Variants in MTUS2 observed in about 807,000 individuals in gnomAD.
MTUS2 encodes the protein microtubule-associated tumor suppressor candidate 2.
MTUS2 carries 40 observed loss-of-function variants against 114.1 expected under a neutral mutation model. The observed-to-expected ratio is 0.35, with a 90% CI of 0.27 to 0.46. MTUS2 has a LOEUF of 0.46. Among genes scored for constraint, MTUS2 ranks in the 20% least tolerant of loss-of-function variants. The pLI is 1.00. For synonymous variants in MTUS2, 688 were observed against 672.0 expected (o/e 1.02, Z -0.37); for missense variants, 1,679 against 1,705.4 (o/e 0.98, Z 0.27).
At chr13:28,847,099 G>T (rs775991759) in intron 2 of MTUS2, among the ~76,000 whole-genome samples, 8 of 152,156 alleles carry the variant, frequency 5.3e-5, no homozygotes, top group Non-Finnish European at 8.8e-5. Flanking sequence ...TCATGTCCTC[G>T]TCAGGTTCCT....
chr13:28,944,869 T>A (rs1882435354), intron 2 of MTUS2, among the ~76,000 whole-genome samples: 1 of 152,202 alleles, frequency 6.6e-6, no homozygotes, highest in South Asian at 2.1e-4. Context: ...TGCAGTTTTG[T>A]TACATGGACA....
intron 2 of MTUS2, among the ~76,000 whole-genome samples, chr13:28,886,016 G>A (rs969301253): frequency 5.9e-5 from 9 of 152,104 alleles, no homozygotes; most frequent in African/African-American, 1.9e-4. Context: ...GGGCATTCCC[G>A]ATAGAGGGAA....
chr13:29,367,464 C>T (rs978513490), intron 8 of MTUS2, among the ~76,000 whole-genome samples: 2 of 152,116 alleles, frequency 1.3e-5, no homozygotes, highest in Non-Finnish European at 2.9e-5. Context: ...GCAGGAGGCC[C>T]TGAGTTTTGG....
At chr13:29,272,036 TC>T in intron 5 of MTUS2, among the ~76,000 whole-genome samples, 1 of 152,332 alleles carries the variant, frequency 6.6e-6, no homozygotes, top group East Asian at 1.9e-4. Context: ...TCTCAACTTT[TC>T]TTAGTCAAAT....
At chr13:28,903,744 C>A (rs1879798421) in intron 2 of MTUS2, among the ~76,000 whole-genome samples, 1 of 151,932 alleles carries the variant, frequency 6.6e-6, no homozygotes, top group Non-Finnish European at 1.5e-5. Context: ...GTCTTTATAG[C>A]AGCATGATTT....
chr13:29,350,198 A>C (rs748836081), intron 7 of MTUS2, among the ~76,000 whole-genome samples: 1 of 152,030 alleles, frequency 6.6e-6, no homozygotes, highest in Non-Finnish European at 1.5e-5. Flanking sequence ...GAAGTGGCTT[A>C]ACTTGAATTC....
intron 2 of MTUS2, among the ~76,000 whole-genome samples, chr13:28,948,169 C>G (rs59931649): frequency 6.6e-6 from 1 of 152,140 alleles, no homozygotes; most frequent in Non-Finnish European, 1.5e-5. Flanking sequence ...AATCTAAACT[C>G]ATTTAGGGTA....
At chr13:29,096,635 A>G (rs941130410) in intron 4 of MTUS2, among the ~76,000 whole-genome samples, 1 of 152,178 alleles carries the variant, frequency 6.6e-6, no homozygotes, top group Admixed American at 6.5e-5. Context: ...CTTCCCTCAC[A>G]GTTTGTTCCA....
chr13:29,086,912 G>A (rs866728257), intron 4 of MTUS2, among the ~76,000 whole-genome samples: 1 of 152,198 alleles, frequency 6.6e-6, no homozygotes, highest in South Asian at 2.1e-4. Context: ...TAGCTCAAAT[G>A]TTATTGGTGT....
chr13:29,098,479 T>TTCAC (rs141445859), intron 4 of MTUS2, among the ~76,000 whole-genome samples: 97,834 of 150,816 alleles, frequency 0.65, 32,642 homozygotes, highest in Non-Finnish European at 0.74. Context: ...TGTGCGTGCA[T>TTCAC]GCACACACAC....
At chr13:28,856,669 T>G (rs1876648784) in intron 2 of MTUS2, among the ~76,000 whole-genome samples, 1 of 152,222 alleles carries the variant, frequency 6.6e-6, no homozygotes, top group Non-Finnish European at 1.5e-5. Context: ...CTGACAGATT[T>G]GTTTACGGAA....
chr13:29,260,503 C>T (rs941036314), intron 5 of MTUS2, among the ~76,000 whole-genome samples: 1 of 152,230 alleles, frequency 6.6e-6, no homozygotes, highest in Non-Finnish European at 1.5e-5. Context: ...CGCTCAATGT[C>T]ATTGCCAATG....
intron 8 of MTUS2, among the ~76,000 whole-genome samples, chr13:29,393,698 G>A (rs527531934): frequency 2.0e-5 from 3 of 152,262 alleles, no homozygotes; most frequent in African/African-American, 4.8e-5. Flanking sequence ...ACGCATGCCC[G>A]TGACACAGCC....
chr13:29,055,442 T>G (rs1394140482), intron 4 of MTUS2, among the ~76,000 whole-genome samples: 1 of 152,126 alleles, frequency 6.6e-6, no homozygotes, highest in East Asian at 1.9e-4. Flanking sequence ...TGTGTGTGGT[T>G]TGGTATACAG....
intron 4 of MTUS2, among the ~76,000 whole-genome samples, chr13:29,065,591 G>GA (rs1290698655): frequency 6.6e-6 from 1 of 152,104 alleles, no homozygotes. Context: ...ATTTACCTGG[G>GA]AAAAAATAAA....
At chr13:29,047,396 C>T (rs576847879) in intron 4 of MTUS2, among the ~76,000 whole-genome samples, 96 of 152,066 alleles carry the variant, frequency 6.3e-4, no homozygotes, top group East Asian at 1.9e-3. Flanking sequence ...GTTTTGATGC[C>T]GGCATTTTGA....
At chr13:28,944,136 G>A (rs149691755) in intron 2 of MTUS2, among the ~76,000 whole-genome samples, 165 of 151,690 alleles carry the variant, frequency 1.1e-3, no homozygotes, top group African/African-American at 3.8e-3. Flanking sequence ...GGGTACATGG[G>A]ATACTTTGAT....
intron 2 of MTUS2, among the ~76,000 whole-genome samples, chr13:28,991,538 TTTTGTA>T (rs1884854799): frequency 6.6e-6 from 1 of 151,986 alleles, no homozygotes. Context: ...CTAGCTAATT[TTTTGTA>T]TTTTTAGTAG....
At chr13:29,284,640 C>T (rs1202879582) in intron 6 of MTUS2, among the ~76,000 whole-genome samples, 1 of 152,094 alleles carries the variant, frequency 6.6e-6, no homozygotes, top group Non-Finnish European at 1.5e-5. Flanking sequence ...GAAGTACATT[C>T]CCAATGGTAT....
Sources: gnomAD v4.1 joint callset for allele counts (sites outside exome capture counted in the v4.1 genomes callset) on GRCh38, gnomAD v4.1.1 for gene constraint, MANE v1.5 for transcripts, NCBI Gene and HGNC (gene_info 2026-07-23, HGNC 2026-07-21) for gene names.